The following ACTN1 variants were observed in gnomAD, a reference collection of about 807,000 sequenced individuals.
ACTN1 encodes actinin alpha 1, also known as alpha-actinin-1.
In ACTN1, 30 loss-of-function variants were observed where a neutral mutation model predicts 119.6. The observed-to-expected ratio is 0.25, with a 90% CI of 0.19 to 0.34. The LOEUF (loss-of-function observed/expected upper bound fraction) is 0.34. Ranked by LOEUF, ACTN1 falls within the 10% of genes least tolerant of loss-of-function variation. The pLI is 1.00. For synonymous variants in ACTN1, 429 were observed against 472.6 expected (o/e 0.91, Z 1.20); for missense variants, 764 against 1,223.4 (o/e 0.62, Z 5.60).
At chr14:68,963,377 G>A (rs897242634) in intron 1 of ACTN1, among the ~76,000 whole-genome samples, 2 of 152,178 alleles carry the variant, frequency 1.3e-5, no homozygotes, top group African/African-American at 4.8e-5. Context: ...TCTGCTTTAT[G>A]TTTGTTAAGT....
intron 1 of ACTN1, among the ~76,000 whole-genome samples, chr14:68,933,131 T>TTTATTA (rs1393687036): frequency 6.9e-6 from 1 of 144,328 alleles, no homozygotes; most frequent in African/African-American, 2.9e-5. Context: ...TCCTTGTATT[T>TTTATTA]TTTTTATTAT....
At chr14:68,892,382 A>G in intron 9 of ACTN1, 99 bp from the exon 10 acceptor site, 1 of 1,265,240 alleles carries the variant, frequency 7.9e-7, no homozygotes, top group Non-Finnish European at 1.1e-6. Context: ...CCACATGGGG[A>G]AGGGGTCTCT....
rs1446559772 is a variant in ACTN1 at position 68,902,565 on chromosome 14, G to A, written c.677-3C>T. On this transcript the variant is annotated splice_region_variant and splice_polypyrimidine_tract_variant and intron_variant, in intron 7 of 21. Transcript: ENST00000394419. ...CGGTCGGGCAGTTCCAACGATGTCT[G>A]TCAAGAAAAATCTGGAGTTAAAGCC... is the stretch of plus-strand genomic sequence containing the variant. 5.0e-6 allele frequency: 8 copies of A among 1,613,218 alleles called. No individual in the cohort carries two copies. In the South Asian group the frequency reaches 5.5e-5, roughly 11 times the overall value.
chr14:68,908,870 A>G (rs2033826986), intron 6 of ACTN1, among the ~76,000 whole-genome samples: 1 of 152,238 alleles, frequency 6.6e-6, no homozygotes, highest in South Asian at 2.1e-4. Flanking sequence ...CTTGAGCAAT[A>G]AAGGAAACCA....
In ACTN1 at chr14:68,882,428, C is replaced by G. The variant is rs771146521; in HGVS notation, c.1953+30G>C. 6.2e-7 allele frequency: 1 copy of G among 1,611,250 alleles called. No homozygotes were observed. The highest frequency in any genetic ancestry group is 8.5e-7 in the Non-Finnish European group (1 of 1,178,354). ...AGTGTCGGGGGGGAGGGGTGGGAGC[C>G]CCAGCACTGCTTCCCAGCATGGGAC... On this transcript the variant is annotated intron_variant, in intron 16 of 21. Transcript: ENST00000394419. This position sits in a 1 kb window ranked among gnomAD's most constrained non-coding sequence, Gnocchi z 4.5.
chr14:68,877,596 G>T (rs2031049046), intron 20 of ACTN1: 3 of 212,582 alleles, frequency 1.4e-5, no homozygotes, highest in Non-Finnish European at 2.8e-5. Context: ...CAACCATAAA[G>T]ATAGGTATTT....
At chr14:68,977,805 C>G in intron 1 of ACTN1, 1 of 367,594 alleles carries the variant, frequency 2.7e-6, no homozygotes, top group Non-Finnish European at 5.5e-6. Context: ...TCCTGTCCCC[C>G]CCCCACCCAA....
At chr14:68,933,981 A>T (rs1220135513) in intron 1 of ACTN1, among the ~76,000 whole-genome samples, 2 of 61,580 alleles carry the variant, frequency 3.2e-5, no homozygotes, top group Non-Finnish European at 8.1e-5. Flanking sequence ...CTGTCTCAAG[A>T]AAAAAAAAAA....
intron 1 of ACTN1, chr14:68,978,136 G>C: frequency 2.2e-6 from 1 of 455,806 alleles, no homozygotes; most frequent in Non-Finnish European, 4.4e-6. Flanking sequence ...GGCTAAGTAG[G>C]GATCCCCAGT....
At chr14:68,952,064 A>G (rs186274438) in intron 1 of ACTN1, among the ~76,000 whole-genome samples, 8 of 152,372 alleles carry the variant, frequency 5.3e-5, no homozygotes, top group Admixed American at 5.2e-4. Context: ...GAAGCTGGCA[A>G]AAGAGCAGTG....
intron 11 of ACTN1, among the ~76,000 whole-genome samples, chr14:68,888,682 G>A (rs2032227874): frequency 1.3e-5 from 2 of 152,296 alleles, no homozygotes; most frequent in Non-Finnish European, 2.9e-5. Flanking sequence ...CAGCAGGTGG[G>A]AGAGCATTAC....
At chr14:68,917,929 G>A (rs2034402607) in intron 3 of ACTN1, among the ~76,000 whole-genome samples, 1 of 152,192 alleles carries the variant, frequency 6.6e-6, no homozygotes, top group African/African-American at 2.4e-5. Flanking sequence ...AGCCAGGCGT[G>A]GTGGCACAAA....
chr14:68,968,424 G>A (rs1258763602), intron 1 of ACTN1, among the ~76,000 whole-genome samples: 2 of 152,256 alleles, frequency 1.3e-5, no homozygotes, highest in East Asian at 1.9e-4. Flanking sequence ...GGGCAAAGGA[G>A]ATGTGGGAGC....
chr14:68,884,082 G>A (rs1371837431), intron 14 of ACTN1, 86 bp downstream of exon 14: 1 of 1,371,382 alleles, frequency 7.3e-7, no homozygotes, highest in Non-Finnish European at 9.8e-7. Context: ...CTCTTCCTCA[G>A]GGGGCAGTCC....
At chr14:68,915,897 C>T (rs1319585408) in intron 3 of ACTN1, among the ~76,000 whole-genome samples, 2 of 152,188 alleles carry the variant, frequency 1.3e-5, no homozygotes, top group Non-Finnish European at 2.9e-5. Context: ...GCCTGCAATC[C>T]CAGCTACTCG....
chr14:68,882,596 G>A lies in ACTN1; in HGVS notation c.1819-4C>T. ...TCCGAGGCACCAGCTGCCGCACCTGGGGCAGGAACAACAAGGCGACTTTCA... is the reference window on the plus strand; with the variant it reads ...TCCGAGGCACCAGCTGCCGCACCTGAGGCAGGAACAACAAGGCGACTTTCA... On this transcript the variant is annotated splice_polypyrimidine_tract_variant and splice_region_variant and intron_variant, in intron 15 of 21. Transcript: ENST00000394419. This position sits in a 1 kb window ranked among gnomAD's most constrained non-coding sequence, Gnocchi z 4.5. 6.2e-7 allele frequency: 1 copy of A among 1,613,996 alleles called. No individual in the cohort carries two copies. The highest frequency in any genetic ancestry group is 8.5e-7 in the Non-Finnish European group (1 of 1,179,922).
chr14:68,875,566 G>A (rs2030801387), intron 21 of ACTN1, among the ~76,000 whole-genome samples: 1 of 152,254 alleles, frequency 6.6e-6, no homozygotes, highest in Non-Finnish European at 1.5e-5. Flanking sequence ...CTCCAGCCTG[G>A]GTATCTACCT....
At chr14:68,901,249 G>GTTTTTTTTTTTTTTTTT (rs564351239) in intron 8 of ACTN1, among the ~76,000 whole-genome samples, 4 of 103,498 alleles carry the variant, frequency 3.9e-5, no homozygotes, top group Admixed American at 1.1e-4. Flanking sequence ...TTTTTGTTTT[G>GTTTTTTTTTTTTTTTTT]TTTTTTTTTT....
At chr14:68,892,019 A>C in intron 10 of ACTN1, 34 bp downstream of exon 10, 2 of 1,608,364 alleles carry the variant, frequency 1.2e-6, no homozygotes, top group South Asian at 1.1e-5. Context: ...GAGGCAGTCC[A>C]GTCTGGGGGC....
Sources: gnomAD v4.1 joint callset for allele counts (sites outside exome capture counted in the v4.1 genomes callset) on GRCh38, gnomAD v4.1.1 for gene constraint, Gnocchi (gnomAD v3.1) non-coding constraint, MANE v1.5 for transcripts, NCBI Gene and HGNC (gene_info 2026-07-23, HGNC 2026-07-21) for gene names.